Variants in ZNF248 observed in about 807,000 individuals in gnomAD.
ZNF248 encodes the protein zinc finger protein 248, also known as KRAB protein domain.
A neutral mutation model predicts 44.3 loss-of-function variants in ZNF248; 20 were observed. That is an observed-to-expected ratio of 0.45 (90% confidence interval 0.32 to 0.66). The LOEUF (loss-of-function observed/expected upper bound fraction) is 0.66. ZNF248 is among the 30% of genes least tolerant of loss of function. The pLI, the probability that ZNF248 is intolerant of heterozygous loss-of-function variation, is 0.04. For missense variants in ZNF248, 654 were observed against 677.0 expected (o/e 0.97, Z 0.38); for synonymous variants, 224 against 229.0 (o/e 0.98, Z 0.20).
At chr10:37,849,863 G>A (rs2059941591) in intron 3 of ZNF248, among the ~76,000 whole-genome samples, 1 of 152,074 alleles carries the variant, frequency 6.6e-6, no homozygotes, top group Admixed American at 6.6e-5. Context: ...ACAAGGTCAG[G>A]AGTTCAAGAC....
downstream of ZNF248, among the ~76,000 whole-genome samples, chr10:37,773,202 A>T (rs1742240): frequency 6.6e-6 from 1 of 152,162 alleles, no homozygotes; most frequent in Non-Finnish European, 1.5e-5. Context: ...CTGGGATCAC[A>T]CCACAGCACT....
chr10:37,767,401 G>A, the ZNF248 span, among the ~76,000 whole-genome samples: 2 of 152,222 alleles, frequency 1.3e-5, no homozygotes, highest in African/African-American at 4.8e-5. Flanking sequence ...ACAAAGGGAA[G>A]CCCATCAGAC....
At chr10:37,849,651 C>A (rs1446853612) in intron 3 of ZNF248, among the ~76,000 whole-genome samples, 1 of 151,632 alleles carries the variant, frequency 6.6e-6, no homozygotes. Flanking sequence ...CACACCACTG[C>A]ACTCTAGCCT....
At chr10:37,769,763 T>C in the ZNF248 span, among the ~76,000 whole-genome samples, 1 of 152,164 alleles carries the variant, frequency 6.6e-6, no homozygotes, top group Non-Finnish European at 1.5e-5. Context: ...GTGGTGGAAG[T>C]TCTGGCCAGG....
In ZNF248 at chr10:37,837,810, T is replaced by C. The variant is rs2057522288; in HGVS notation, c.143-98A>G. 3 of 1,377,312 alleles carry C rather than the reference T, an allele frequency of 2.2e-6. No individual in the cohort carries two copies. The Admixed American group carries it at 6.3e-5, about 29-fold the overall frequency. 85.3% of individuals were successfully genotyped at this position (1,377,312 alleles called of 1,614,324 possible). A position where few individuals can be genotyped will look rare whatever the true frequency, so the allele number is the denominator to read the frequency against. On this transcript the variant is annotated intron_variant, in intron 4 of 5. Coordinates refer to ENST00000395867, the MANE Select transcript of ZNF248 (RefSeq NM_021045.3). ...AGAAAGGCACAGCTTCACCAGCTAC[T>C]CAAAGAATGTGCACAAATGAACCAA...
At chr10:37,778,351 T>C (rs2046853618) in intron 6 of ZNF248, among the ~76,000 whole-genome samples, 1 of 152,228 alleles carries the variant, frequency 6.6e-6, no homozygotes, top group Non-Finnish European at 1.5e-5. Context: ...GAAATGTCTG[T>C]TCATGTCCTT....
At chr10:37,849,399 C>T (rs1008994363) in intron 3 of ZNF248, among the ~76,000 whole-genome samples, 4 of 151,820 alleles carry the variant, frequency 2.6e-5, no homozygotes, top group African/African-American at 4.8e-5. Flanking sequence ...TTCAAAGAAA[C>T]GGCCGGGCAC....
chr10:37,818,233 A>G (rs1318279793), intron 6 of ZNF248, among the ~76,000 whole-genome samples: 4 of 152,026 alleles, frequency 2.6e-5, no homozygotes, highest in African/African-American at 9.7e-5. Flanking sequence ...CTGTATTTTC[A>G]AGTCCACAAT....
chr10:37,813,450 A>ACCCCT (rs2051887664), intron 6 of ZNF248, among the ~76,000 whole-genome samples: 1 of 151,756 alleles, frequency 6.6e-6, no homozygotes, highest in Non-Finnish European at 1.5e-5. Context: ...CATCTCCTCC[A>ACCCCT]CTTCTGCCTC....
At chr10:37,809,905 A>G (rs186912201) in intron 6 of ZNF248, among the ~76,000 whole-genome samples, 1 of 152,298 alleles carries the variant, frequency 6.6e-6, no homozygotes, top group Non-Finnish European at 1.5e-5. Flanking sequence ...TATACTTTGT[A>G]TAATATCTAT....
At chr10:37,844,943 C>CCCTTCCTT in intron 3 of ZNF248, among the ~76,000 whole-genome samples, 1 of 138,690 alleles carries the variant, frequency 7.2e-6, no homozygotes, top group African/African-American at 2.6e-5. Flanking sequence ...CTTCCCTCCC[C>CCCTTCCTT]CTTCCCTCCC....
chr10:37,831,878 T>C lies in ZNF248; in HGVS notation c.1477A>G (p.Ile493Val), dbSNP rs879097766. The C allele has an allele frequency of 6.2e-7, 1 of 1,613,814 alleles. No individual in the cohort carries two copies. Among genetic ancestry groups the C allele is most frequent in the East Asian group, 2.2e-5 (1 of 44,838 alleles). Residue 493 changes from isoleucine (I) to valine (V), a missense_variant, in exon 6 of 6, where the codon ATA (isoleucine) becomes GTA (valine). Ile to Val is a conservative substitution (Grantham distance 29). Transcript: ENST00000395867. The stretch of plus-strand genomic sequence containing the variant: ...AAGGATTTTCCACATTCATTACATA[T>C]AAACGGTTTCTCCCCTGTGTGTGTT... ...QRTHTGEKPF[I>V]CNECGKSFCV...
chr10:37,798,607 T>C (rs2049423155), intron 6 of ZNF248, among the ~76,000 whole-genome samples: 1 of 152,118 alleles, frequency 6.6e-6, no homozygotes, highest in South Asian at 2.1e-4. Flanking sequence ...TACATGTATA[T>C]TCACATGAAT....
chr10:37,780,554 A>G (rs1035430998), intron 6 of ZNF248, among the ~76,000 whole-genome samples: 5 of 152,210 alleles, frequency 3.3e-5, no homozygotes, highest in African/African-American at 1.2e-4. Context: ...TTCTTGATAG[A>G]CATATTAACA....
the ZNF248 span, among the ~76,000 whole-genome samples, chr10:37,769,617 G>A: frequency 2.9e-3 from 438 of 152,212 alleles, 15 homozygotes; most frequent in Admixed American, 0.027. Flanking sequence ...TTGACGGGAC[G>A]TATCTCAAAA....
downstream of ZNF248, among the ~76,000 whole-genome samples, chr10:37,774,971 A>G (rs1248809163): frequency 1.3e-5 from 2 of 151,896 alleles, no homozygotes; most frequent in African/African-American, 4.8e-5. Context: ...GGGTCTCACC[A>G]TGTGGCCAAG....
the ZNF248 span, among the ~76,000 whole-genome samples, chr10:37,760,788 C>T: frequency 5.3e-5 from 8 of 152,090 alleles, no homozygotes; most frequent in Non-Finnish European, 8.8e-5. Flanking sequence ...GAGCTGAGAT[C>T]ATGCCATTGC....
chr10:37,783,487 T>A (rs1352014102), intron 6 of ZNF248, among the ~76,000 whole-genome samples: 1 of 152,190 alleles, frequency 6.6e-6, no homozygotes. Context: ...GCACCAAAAG[T>A]GCAACCAGCC....
At chr10:37,765,033 T>A in the ZNF248 span, among the ~76,000 whole-genome samples, 1 of 152,092 alleles carries the variant, frequency 6.6e-6, no homozygotes, top group Admixed American at 6.5e-5. Context: ...CAATCTTGGC[T>A]CACCGCAACC....
Sources: allele counts gnomAD v4.1 joint callset (sites outside exome capture counted in the v4.1 genomes callset), GRCh38; gene constraint gnomAD v4.1.1; transcripts MANE v1.5; gene names NCBI Gene and HGNC (gene_info 2026-07-23, HGNC 2026-07-21).